Variants in POLI observed in about 807,000 individuals in gnomAD.
POLI encodes the protein RAD30 homolog B.
A neutral mutation model predicts 51.6 loss-of-function variants in POLI; 58 were observed. That is an observed-to-expected ratio of 1.12 (90% confidence interval 0.91 to 1.40). The LOEUF (loss-of-function observed/expected upper bound fraction) is 1.40. Among genes scored for constraint, POLI ranks in the 40% most tolerant of loss-of-function variants. The pLI is 0.00. For missense variants in POLI, 921 were observed against 871.3 expected (o/e 1.06, Z -0.72); for synonymous variants, 322 against 299.7 (o/e 1.07, Z -0.77).
At chr18:54,284,441 G>A (rs907389123) in intron 7 of POLI, among the ~76,000 whole-genome samples, 30 of 152,190 alleles carry the variant, frequency 2.0e-4, no homozygotes, top group African/African-American at 6.7e-4. Flanking sequence ...AAATACATGC[G>A]AAATACAAAA....
intron 3 of POLI, among the ~76,000 whole-genome samples, chr18:54,317,217 T>G (rs895645270): frequency 6.6e-6 from 1 of 152,216 alleles, no homozygotes; most frequent in African/African-American, 2.4e-5. Context: ...ATGAAATTCA[T>G]GAGGCAGAGC....
At chr18:54,292,329 T>C (rs2088059714) in intron 9 of POLI, among the ~76,000 whole-genome samples, 1 of 152,182 alleles carries the variant, frequency 6.6e-6, no homozygotes, top group Non-Finnish European at 1.5e-5. Context: ...TATGATGGAT[T>C]AGCTCATAAG....
In POLI at chr18:54,282,872, C is replaced by T. The variant is rs1416937424; in HGVS notation, c.832C>T (p.Leu278=). ...GYKTAKCLEA[L]GINSVRDLQT... is the part of the protein sequence containing the mutation. The stretch of plus-strand genomic sequence containing the variant: ...TAAAACTGCCAAATGTCTTGAAGCA[C>T]TGGGTATCAATAGTGTGCGTGATCT... The change falls in exon 6 of 10, where the codon CTG becomes TTG. Residue 278 remains leucine (L), a synonymous_variant. Coordinates refer to ENST00000579534, the MANE Select transcript of POLI (RefSeq NM_007195.3). 2 of 1,572,446 alleles carry T rather than the reference C, an allele frequency of 1.3e-6. No homozygotes were observed. The highest frequency in any genetic ancestry group is 2.3e-5 in the South Asian group (2 of 85,804).
At chr18:54,290,542 T>A (rs897575408) in intron 8 of POLI, among the ~76,000 whole-genome samples, 1 of 152,166 alleles carries the variant, frequency 6.6e-6, no homozygotes, top group African/African-American at 2.4e-5. Flanking sequence ...ATGTTTATTG[T>A]GGCACTATTC....
At chr18:54,272,676 T>A (rs1568116521) in intron 2 of POLI, among the ~76,000 whole-genome samples, 1 of 151,212 alleles carries the variant, frequency 6.6e-6, no homozygotes, top group Non-Finnish European at 1.5e-5. Context: ...TTCACCATGT[T>A]GCCCTGGGTG....
At chr18:54,275,240 C>T (rs2087187447) in intron 3 of POLI, among the ~76,000 whole-genome samples, 1 of 152,128 alleles carries the variant, frequency 6.6e-6, no homozygotes, top group African/African-American at 2.4e-5. Flanking sequence ...AGGAGGATTG[C>T]TTGAGCCTAG....
chr18:54,313,310 T>C (rs2144649011), intron 3 of POLI, among the ~76,000 whole-genome samples: 1 of 152,302 alleles, frequency 6.6e-6, no homozygotes, highest in East Asian at 1.9e-4. Flanking sequence ...TTGGTGTATA[T>C]GTCTGTTTTT....
At chr18:54,275,159 A>C (rs1568119772) in intron 3 of POLI, 1 of 152,238 alleles carries the variant, frequency 6.6e-6, no homozygotes, top group African/African-American at 2.4e-5. Flanking sequence ...GAGTTTATCA[A>C]ATAGAAATAA....
rs3730835 is a variant in POLI, at chr18:54,295,701, C to T, written c.*1234C>T. 9.6e-4 allele frequency: 219 copies of T among 229,152 alleles called. 1 individual carries two copies. Among genetic ancestry groups the T allele is most frequent in the African/African-American group, 4.8e-3 (205 of 42,866 alleles). 14.2% of individuals were successfully genotyped at this position (229,152 alleles called of 1,614,324 possible). A position where few individuals can be genotyped will look rare whatever the true frequency, so the allele number is the denominator to read the frequency against. ...GGAGTACAGTGGCGCAATCCCAGCT[C>T]ACTACAACCTCCGCCTCCCAGGTTC... On this transcript the variant is annotated 3_prime_UTR_variant, in exon 10 of 10. Coordinates refer to ENST00000579534, the MANE Select transcript of POLI (RefSeq NM_007195.3).
intron 3 of POLI, among the ~76,000 whole-genome samples, chr18:54,276,665 C>T (rs758621832): frequency 2.0e-5 from 3 of 152,156 alleles, no homozygotes; most frequent in African/African-American, 4.8e-5. Context: ...TCAGTCTGTC[C>T]TGAAAGGAGG....
At chr18:54,271,241 A>T in intron 1 of POLI, 119 bp from the exon 2 acceptor site, 1 of 783,442 alleles carries the variant, frequency 1.3e-6, no homozygotes, top group South Asian at 2.2e-5. Context: ...CACATAATCC[A>T]GGAGAAAACA....
downstream of POLI, among the ~76,000 whole-genome samples, chr18:54,303,162 C>T (rs187421831): frequency 1.3e-5 from 2 of 152,178 alleles, no homozygotes; most frequent in Non-Finnish European, 2.9e-5. Flanking sequence ...TGGTAGGACA[C>T]CTACATAGTA....
intron 3 of POLI, among the ~76,000 whole-genome samples, chr18:54,308,909 T>G (rs1212800751): frequency 6.6e-6 from 1 of 152,228 alleles, no homozygotes; most frequent in Non-Finnish European, 1.5e-5. Flanking sequence ...ACGTAGTTCT[T>G]GTGCCATGGT....
chr18:54,300,435 AAAAT>A (rs1355775941), downstream of POLI, among the ~76,000 whole-genome samples: 1 of 152,148 alleles, frequency 6.6e-6, no homozygotes, highest in Non-Finnish European at 1.5e-5. Flanking sequence ...TATAAACCCT[AAAAT>A]AACCACTGAA....
At position 54,287,372 on chromosome 18, in the gene POLI, T is replaced by C; in HGVS notation, c.1159T>C (p.Cys387Arg). The C allele has an allele frequency of 6.2e-7, 1 of 1,606,182 alleles. No homozygotes were observed. The highest frequency in any genetic ancestry group is 8.5e-7 in the Non-Finnish European group (1 of 1,175,166). Residue 387 changes from cysteine (C) to arginine (R), a missense_variant, in exon 8 of 10, where the codon TGC (cysteine) becomes CGC (arginine). Transcript: ENST00000579534. ...GCACTATGGTCGTGAGAGTCGTCAG[T>C]GCCCTATTCCTTCACATGTAATTCA... ...EKHYGRESRQ[C>R]PIPSHVIQKL...
In POLI at chr18:54,271,303, T is replaced by C. The variant is rs907973706; in HGVS notation, c.116-57T>C. Reference sequence around the variant, plus strand: ...GTACCATGTTTTAAGGAACTGTCAGTTGCTCAGAGATAATAAGCAGCCTGA... The same window carrying C: ...GTACCATGTTTTAAGGAACTGTCAGCTGCTCAGAGATAATAAGCAGCCTGA... On this transcript the variant is annotated intron_variant, in intron 1 of 9. Coordinates refer to ENST00000579534, the MANE Select transcript of POLI (RefSeq NM_007195.3). The C allele has an allele frequency of 2.7e-6, 4 of 1,500,126 alleles. No homozygotes were observed. The African/African-American group carries it at 5.6e-5, about 21-fold the overall frequency. 92.9% of individuals were successfully genotyped at this position (1,500,126 alleles called of 1,614,324 possible).
At chr18:54,307,371 A>T (rs2088604331) in intron 3 of POLI, among the ~76,000 whole-genome samples, 1 of 152,206 alleles carries the variant, frequency 6.6e-6, no homozygotes, top group Non-Finnish European at 1.5e-5. Flanking sequence ...CAGGTTGTTC[A>T]GTTTCCTGGT....
intron 6 of POLI, 113 bp downstream of exon 6, chr18:54,283,128 C>G (rs546631206): frequency 7.2e-5 from 42 of 585,062 alleles, no homozygotes; most frequent in African/African-American, 6.8e-4. Context: ...TATGTGATCC[C>G]TTTCCTATTA....
chr18:54,270,324 C>T (rs2086946843), intron 1 of POLI: 1 of 152,400 alleles, frequency 6.6e-6, no homozygotes, highest in South Asian at 2.1e-4. Flanking sequence ...TGCCACCACA[C>T]CTGGCTGATT....
Sources: gnomAD v4.1 joint callset for allele counts (sites outside exome capture counted in the v4.1 genomes callset) on GRCh38, gnomAD v4.1.1 for gene constraint, MANE v1.5 for transcripts, NCBI Gene and HGNC (gene_info 2026-07-23, HGNC 2026-07-21) for gene names.